SDK1: variants seen among roughly 807,000 people sequenced by gnomAD.
SDK1 encodes the protein protein sidekick-1.
Under a neutral mutation model 245.5 loss-of-function variants are expected in SDK1, and 157 were observed. The observed-to-expected ratio is 0.64, with a 90% CI of 0.56 to 0.73. The LOEUF is 0.73. SDK1 is among the 30% of genes least tolerant of loss of function. The pLI is 0.00. For synonymous variants in SDK1, 1,647 were observed against 1,278.5 expected, an observed-to-expected ratio of 1.29 and a Z score of -6.15; for missense variants, 3,583 against 3,002.3, an observed-to-expected ratio of 1.19 and a Z score of -4.52.
At chr7:3,483,961 G>C (rs1264269077) in intron 1 of SDK1, among the ~76,000 whole-genome samples, 1 of 151,890 alleles carries the variant, frequency 6.6e-6, no homozygotes, top group Non-Finnish European at 1.5e-5. Flanking sequence ...CATATTTATG[G>C]GGTACATGTG....
At chr7:3,929,185 T>C (rs1230000093) in intron 5 of SDK1, among the ~76,000 whole-genome samples, 1 of 152,266 alleles carries the variant, frequency 6.6e-6, no homozygotes, top group African/African-American at 2.4e-5. Context: ...AGTTGGCTTA[T>C]ATTCATCCTC....
intron 17 of SDK1, among the ~76,000 whole-genome samples, chr7:4,043,668 A>T (rs575306983): frequency 6.6e-6 from 1 of 152,224 alleles, no homozygotes; most frequent in Non-Finnish European, 1.5e-5. Flanking sequence ...CAGCCACGCA[A>T]AGGTACAGAC....
intron 17 of SDK1, among the ~76,000 whole-genome samples, chr7:4,048,484 C>T (rs946746499): frequency 1.6e-4 from 24 of 152,180 alleles, no homozygotes; most frequent in African/African-American, 2.2e-4. Context: ...CGCTTCCCCC[C>T]ACCCCTCGTC....
chr7:4,051,790 G>T lies in SDK1; in HGVS notation c.2871G>T (p.Gly957=). Reference sequence around the variant, plus strand: ...TGTGCTTCACCACCCCTGGGGACGGGCCTCCCAGCACACCTCAGCTGGTCT... The same window carrying T: ...TGTGCTTCACCACCCCTGGGGACGGTCCTCCCAGCACACCTCAGCTGGTCT... ...SVLCFTTPGD[G]PPSTPQLVWT... The change falls in exon 19 of 45, where the codon GGG becomes GGT. Residue 957 remains glycine, a synonymous_variant. Coordinates refer to ENST00000404826, the MANE Select transcript of SDK1 (RefSeq NM_152744.4). The T allele has an allele frequency of 6.2e-7, 1 of 1,613,676 alleles. No homozygotes were observed. Among genetic ancestry groups the T allele is most frequent in the East Asian group, 2.2e-5 (1 of 44,846 alleles).
At chr7:3,441,812 G>A (rs753584987) in intron 1 of SDK1, among the ~76,000 whole-genome samples, 8 of 152,014 alleles carry the variant, frequency 5.3e-5, no homozygotes, top group South Asian at 2.1e-4. Context: ...CATTATCTGC[G>A]TTTAAAATGT....
Position 3,580,996 on chromosome 7 carries a change from C to CAAAAAAAAAAAAAAAA in SDK1, c.299-38080_299-38079insAAAAAAAAAAAAAAAA, listed in dbSNP as rs1418335916. 2.4e-4 allele frequency among the ~76,000 whole-genome samples: 22 copies of CAAAAAAAAAAAAAAAA among 92,956 alleles called. 4 individuals are homozygous for CAAAAAAAAAAAAAAAA. Among genetic ancestry groups the CAAAAAAAAAAAAAAAA allele is most frequent in the African/African-American group, 6.2e-4 (14 of 22,506 alleles). 61.0% of individuals were successfully genotyped at this position (92,956 alleles called of 152,430 possible). On this transcript the variant is annotated intron_variant, in intron 1 of 44. Coordinates refer to ENST00000404826, the MANE Select transcript of SDK1 (RefSeq NM_152744.4). ...AAAAAAAAAAAAAAAAAAAAAAAAC[C>CAAAAAAAAAAAAAAAA]AAAACAAAACCCTGGAAGACAATCT...
At chr7:4,148,672 C>A (rs1004118486) in intron 29 of SDK1, among the ~76,000 whole-genome samples, 1 of 152,250 alleles carries the variant, frequency 6.6e-6, no homozygotes, top group Non-Finnish European at 1.5e-5. Context: ...ATCACAGACA[C>A]AGTGCCTGGT....
In SDK1 at chr7:3,971,367, G is replaced by A. The variant is rs893167894; in HGVS notation, c.1715-99G>A. The A allele has an allele frequency of 7.1e-5, 55 of 770,996 alleles. No homozygotes were observed. In the East Asian group the frequency reaches 8.9e-4, roughly 12 times the overall value. 47.8% of individuals were successfully genotyped at this position (770,996 alleles called of 1,614,324 possible). A position where few individuals can be genotyped will look rare whatever the true frequency, so the allele number is the denominator to read the frequency against. ...ATTCTGCCAAGATGAGAGAAAACTC[G>A]GAGGTTGTGATGTCAGATGACCAGG... On this transcript the variant is annotated intron_variant, in intron 11 of 44. Coordinates refer to ENST00000404826, the MANE Select transcript of SDK1 (RefSeq NM_152744.4).
intron 17 of SDK1, among the ~76,000 whole-genome samples, chr7:4,044,476 C>T (rs1788869841): frequency 6.6e-6 from 1 of 152,142 alleles, no homozygotes; most frequent in African/African-American, 2.4e-5. Flanking sequence ...AGGGACAGGG[C>T]CTTACTCTGT....
chr7:3,339,080 C>T (rs1399304681), intron 1 of SDK1, among the ~76,000 whole-genome samples: 1 of 151,988 alleles, frequency 6.6e-6, no homozygotes, highest in Non-Finnish European at 1.5e-5. Flanking sequence ...AAACCAATGA[C>T]ACAGGTAGGT....
chr7:3,475,346 A>G (rs1301619785), intron 1 of SDK1, among the ~76,000 whole-genome samples: 1 of 151,864 alleles, frequency 6.6e-6, no homozygotes, highest in African/African-American at 2.4e-5. Context: ...TGCCCCACCT[A>G]TTCGCACTGG....
At chr7:3,562,976 A>C (rs1209822723) in intron 1 of SDK1, among the ~76,000 whole-genome samples, 1 of 152,206 alleles carries the variant, frequency 6.6e-6, no homozygotes, top group Non-Finnish European at 1.5e-5. Context: ...TTGAAAAAGA[A>C]GGCTAGGACA....
chr7:3,479,404 AG>A (rs1781441639), intron 1 of SDK1, among the ~76,000 whole-genome samples: 1 of 128,756 alleles, frequency 7.8e-6, no homozygotes, highest in South Asian at 2.7e-4. Flanking sequence ...CCTGGGTGAC[AG>A]GGTGAGACTG....
At chr7:3,859,655 G>A (rs958492123) in intron 5 of SDK1, among the ~76,000 whole-genome samples, 2 of 152,062 alleles carry the variant, frequency 1.3e-5, no homozygotes, top group African/African-American at 4.8e-5. Flanking sequence ...CTTCTCTTTT[G>A]TCTTATAAGG....
chr7:4,215,218 A>C lies in SDK1; in HGVS notation c.5540-4891A>C, dbSNP rs1784726820. Among the ~76,000 whole-genome samples the C allele has an allele frequency of 2.6e-5, 4 of 152,228 alleles. No homozygotes were observed. In the South Asian group the frequency reaches 8.3e-4, roughly 31 times the overall value. On this transcript the variant is annotated intron_variant, in intron 38 of 44. Transcript: ENST00000404826. Reference sequence around the variant, plus strand: ...GATGGCAGATCAGACTCACTGAGTCAGCTTATATCTCATCGGGGGCCAGAG... The same window carrying C: ...GATGGCAGATCAGACTCACTGAGTCCGCTTATATCTCATCGGGGGCCAGAG...
chr7:4,052,252 T>C (rs1424635305), intron 19 of SDK1, among the ~76,000 whole-genome samples: 2 of 140,176 alleles, frequency 1.4e-5, no homozygotes, highest in Non-Finnish European at 3.1e-5. Context: ...CTAAGCTCCC[T>C]GAGTTTGCAT....
At position 4,145,848 on chromosome 7, in the gene SDK1, T is replaced by G; in HGVS notation, c.4355T>G (p.Leu1452Arg). 6.2e-7 allele frequency: 1 copy of G among 1,613,752 alleles called. No individual in the cohort carries two copies. Among genetic ancestry groups the G allele is most frequent in the Non-Finnish European group, 8.5e-7 (1 of 1,179,930 alleles). Residue 1452 changes from leucine (L) to arginine (R), a missense_variant, in exon 29 of 45, where the codon CTG (leucine) becomes CGG (arginine). Physicochemically the swap from Leu to Arg is moderately radical, Grantham distance 102 (BLOSUM62 -2). Transcript: ENST00000404826. Reference sequence around the variant, plus strand: ...CCGGAGTCCGCATACATCTTCAGGCTGTCCGCCAAGACGAGGCAGGGCTGG... The same window carrying G: ...CCGGAGTCCGCATACATCTTCAGGCGGTCCGCCAAGACGAGGCAGGGCTGG... The part of the protein sequence containing the change: ...LAPESAYIFR[L>R]SAKTRQGWGE...
At chr7:3,801,173 CATT>C (rs1276460034) in intron 4 of SDK1, among the ~76,000 whole-genome samples, 3 of 152,178 alleles carry the variant, frequency 2.0e-5, no homozygotes, top group African/African-American at 4.8e-5. Context: ...ATTTATGAGA[CATT>C]ATTGTGTAAT....
chr7:3,800,862 T>C (rs1205114492), intron 4 of SDK1, among the ~76,000 whole-genome samples: 1 of 152,180 alleles, frequency 6.6e-6, no homozygotes, highest in African/African-American at 2.4e-5. Flanking sequence ...AGCCCGGGTA[T>C]ACCAGCAGCC....
Sources: allele counts gnomAD v4.1 joint callset (sites outside exome capture counted in the v4.1 genomes callset), GRCh38; gene constraint gnomAD v4.1.1; transcripts MANE v1.5; gene names NCBI Gene and HGNC (gene_info 2026-07-23, HGNC 2026-07-21).